Variants in USH2A observed in about 807,000 individuals in gnomAD.
USH2A encodes Usher syndrome 2A (autosomal recessive, mild).
USH2A carries 443 observed loss-of-function variants against 538.9 expected under a neutral mutation model. The observed-to-expected ratio is 0.82, with a 90% CI of 0.76 to 0.89. The LOEUF is 0.89. Ranked by LOEUF, USH2A falls within the 40% of genes least tolerant of loss-of-function variation. The pLI, the probability that USH2A is intolerant of heterozygous loss-of-function variation, is 0.00. For missense variants in USH2A, 6,633 were observed against 6,324.8 expected, an observed-to-expected ratio of 1.05 and a Z score of -1.65; for synonymous variants, 2,413 against 2,273.5, an observed-to-expected ratio of 1.06 and a Z score of -1.75.
chr1:215,813,711 G>T, intron 49 of USH2A, 25 bp downstream of exon 49: 1 of 1,613,492 alleles, frequency 6.2e-7, no homozygotes. Flanking sequence ...CATAGTTTTT[G>T]AGTACACCTG....
At chr1:216,090,368 C>T (rs2032267205) in intron 22 of USH2A, among the ~76,000 whole-genome samples, 1 of 151,122 alleles carries the variant, frequency 6.6e-6, no homozygotes, top group African/African-American at 2.4e-5. Flanking sequence ...TTAATTGGTT[C>T]CTGTCGGGCC....
intron 4 of USH2A, among the ~76,000 whole-genome samples, chr1:216,355,027 G>A (rs757983758): frequency 6.6e-6 from 1 of 151,844 alleles, no homozygotes; most frequent in African/African-American, 2.4e-5. Flanking sequence ...CAATATATAG[G>A]CCAGGCATGG....
Position 215,671,261 on chromosome 1 carries a change from AG to A in USH2A, c.13843del (p.Leu4615TrpfsTer19). ...YEIRIQACTTLGCASSDWTFI... is the reference protein window; with the variant it reads ...YEIRIQACTTXGCASSDWTFI... ...TGTCCAGTCACTTGATGCACATCCC[AG>A]GGTGGTGCACGCTTGAATTCGTATT... On this transcript the variant is annotated frameshift_variant, in exon 64 of 72. Coordinates refer to ENST00000307340, the MANE Select transcript of USH2A (RefSeq NM_206933.4). LOFTEE classifies it high-confidence loss of function. 6.2e-7 allele frequency: 1 copy of A among 1,614,140 alleles called. No homozygotes were observed.
intron 32 of USH2A, among the ~76,000 whole-genome samples, chr1:216,041,576 T>C (rs1194773474): frequency 2.0e-5 from 3 of 152,174 alleles, no homozygotes; most frequent in Middle Eastern, 3.4e-3. Context: ...GTTGACACTT[T>C]GAATATTTAG....
intron 60 of USH2A, among the ~76,000 whole-genome samples, chr1:215,741,087 C>A (rs1660287614): frequency 1.3e-5 from 2 of 152,068 alleles, no homozygotes; most frequent in African/African-American, 2.4e-5. Flanking sequence ...TAAATATAAG[C>A]CTATGTGGGC....
chr1:215,914,371 T>C (rs1398742076), intron 38 of USH2A, among the ~76,000 whole-genome samples: 2 of 152,106 alleles, frequency 1.3e-5, no homozygotes, highest in Non-Finnish European at 2.9e-5. Context: ...ACTCTTCTTA[T>C]ATAATAAAAC....
At chr1:215,748,580 G>C (rs1660545904) in intron 58 of USH2A, among the ~76,000 whole-genome samples, 1 of 152,148 alleles carries the variant, frequency 6.6e-6, no homozygotes, top group Non-Finnish European at 1.5e-5. Flanking sequence ...TGTCTTCTTT[G>C]TTCCTAGGAC....
intron 61 of USH2A, among the ~76,000 whole-genome samples, chr1:215,698,896 C>T (rs972106030): frequency 4.6e-5 from 7 of 152,160 alleles, no homozygotes; most frequent in African/African-American, 1.7e-4. Context: ...AAGGTCTTTG[C>T]CCATGCCTAT....
rs2039689631 is a variant in USH2A, at chr1:216,422,175, G to A, written c.162C>T (p.Thr54=). The A allele has an allele frequency of 6.2e-7, 1 of 1,613,100 alleles. No individual in the cohort carries two copies. The highest frequency in any genetic ancestry group is 8.5e-7 in the Non-Finnish European group (1 of 1,179,430). ...GGTCTGGGAGTCCACATACTGCTTG[G>A]GTTGGCACGATGGAAACTTTCTTGA... ...GAFKKVSIVP[T]QAVCGLPDRS... is the part of the protein sequence containing the mutation. Residue 54 remains threonine, a synonymous_variant, in exon 2 of 72, where the codon ACC becomes ACT. Coordinates refer to ENST00000307340, the MANE Select transcript of USH2A (RefSeq NM_206933.4).
chr1:215,626,938 A>G lies in USH2A; in HGVS notation c.15520-1068T>C, dbSNP rs548709584. 1.4e-4 allele frequency among the ~76,000 whole-genome samples: 21 copies of G among 152,330 alleles called. 1 individual carries two copies. The South Asian group carries it at 4.3e-3, about 32-fold the overall frequency. On this transcript the variant is annotated intron_variant, in intron 71 of 71. Transcript: ENST00000307340. Reference sequence around the variant, plus strand: ...GCATGTCAAAAATGATCAGTTAGCAATTCATTGTTTCAACCAAATATAATT... The same window carrying G: ...GCATGTCAAAAATGATCAGTTAGCAGTTCATTGTTTCAACCAAATATAATT...
intron 49 of USH2A, among the ~76,000 whole-genome samples, chr1:215,812,172 G>A (rs1170185923): frequency 6.6e-6 from 1 of 151,578 alleles, no homozygotes; most frequent in East Asian, 2.0e-4. Context: ...TTTTACAAGA[G>A]ATGGGGTTTA....
chr1:216,273,384 GA>G (rs909654943), intron 11 of USH2A, among the ~76,000 whole-genome samples: 16 of 152,132 alleles, frequency 1.1e-4, no homozygotes, highest in African/African-American at 3.9e-4. Flanking sequence ...GCCCCACACT[GA>G]GGAGAAATCA....
At chr1:215,952,273 T>A (rs1302331961) in intron 37 of USH2A, among the ~76,000 whole-genome samples, 1 of 152,242 alleles carries the variant, frequency 6.6e-6, no homozygotes, top group East Asian at 1.9e-4. Context: ...CCTATGTGTG[T>A]CTCTGCACGT....
chr1:216,048,682 T>C (rs2030629876), intron 30 of USH2A, 35 bp from the exon 31 acceptor site: 1 of 1,551,240 alleles, frequency 6.4e-7, no homozygotes, highest in African/African-American at 1.4e-5. Flanking sequence ...GGTTGCGTGT[T>C]TACCATAAGC....
chr1:215,977,957 C>T (rs979314326), intron 35 of USH2A, among the ~76,000 whole-genome samples: 1 of 152,088 alleles, frequency 6.6e-6, no homozygotes, highest in Non-Finnish European at 1.5e-5. Context: ...AAAGCCCTGT[C>T]TCTACAAAAA....
chr1:215,802,409 C>G (rs1662363542), intron 49 of USH2A, among the ~76,000 whole-genome samples: 2 of 151,884 alleles, frequency 1.3e-5, no homozygotes, highest in Non-Finnish European at 2.9e-5. Context: ...ACTTCTATAA[C>G]TCAAAAACAT....
At chr1:216,348,630 C>T (rs533574895) in intron 4 of USH2A, among the ~76,000 whole-genome samples, 11 of 152,116 alleles carry the variant, frequency 7.2e-5, no homozygotes, top group African/African-American at 2.4e-4. Flanking sequence ...GCATTTTATA[C>T]AAGTAATCAG....
intron 44 of USH2A, among the ~76,000 whole-genome samples, chr1:215,846,774 A>G (rs1034301379): frequency 1.3e-5 from 2 of 152,180 alleles, no homozygotes; most frequent in Admixed American, 6.5e-5. Flanking sequence ...AGACTAGGCT[A>G]ATACAAATAA....
chr1:215,625,997 T>C, intron 71 of USH2A, 127 bp from the exon 72 acceptor site: 2 of 902,486 alleles, frequency 2.2e-6, no homozygotes, highest in Non-Finnish European at 3.5e-6. Flanking sequence ...CTCAACACCA[T>C]GGTGGGGTCT....
Sources: allele counts gnomAD v4.1 joint callset (sites outside exome capture counted in the v4.1 genomes callset), GRCh38; gene constraint gnomAD v4.1.1; transcripts MANE v1.5; gene names NCBI Gene and HGNC (gene_info 2026-07-23, HGNC 2026-07-21).